The following GRIP2 variants were observed in gnomAD, a reference collection of about 807,000 sequenced individuals.
The protein encoded by GRIP2 is glutamate receptor-interacting protein 2.
Under a neutral mutation model 108.3 loss-of-function variants are expected in GRIP2, and 58 were observed. The observed-to-expected ratio is 0.54, with a 90% CI of 0.43 to 0.67. The LOEUF (loss-of-function observed/expected upper bound fraction) is 0.67. Ranked by LOEUF, GRIP2 falls within the 30% of genes least tolerant of loss-of-function variation. GRIP2 has a pLI of 0.00. For missense variants in GRIP2, 1,278 were observed against 1,430.6 expected, an observed-to-expected ratio of 0.89 and a Z score of 1.72; for synonymous variants, 586 against 598.2, an observed-to-expected ratio of 0.98 and a Z score of 0.30.
At chr3:14,599,404 G>A in the GRIP2 span, among the ~76,000 whole-genome samples, 3 of 152,124 alleles carry the variant, frequency 2.0e-5, no homozygotes, top group Non-Finnish European at 4.4e-5. Context: ...GGGTCGCAGC[G>A]CCTTCCTCCT....
the GRIP2 span, among the ~76,000 whole-genome samples, chr3:14,565,376 C>A: frequency 1.3e-5 from 2 of 152,190 alleles, no homozygotes; most frequent in African/African-American, 4.8e-5. Context: ...GGCTGCTGTT[C>A]CCACTTAGCA....
At chr3:14,554,474 G>A (rs962444473) in intron 1 of GRIP2, among the ~76,000 whole-genome samples, 1 of 152,112 alleles carries the variant, frequency 6.6e-6, no homozygotes, top group Non-Finnish European at 1.5e-5. Flanking sequence ...TCCTGCGGGG[G>A]TGGTCTCAGC....
exon 1 of GRIP2, chr3:14,556,008 G>A (rs1695232867): frequency 2.5e-6 from 1 of 398,606 alleles, no homozygotes; most frequent in Non-Finnish European, 4.4e-6. Context: ...AGCCTCCCAC[G>A]CCTGGAGCCG....
In GRIP2 at chr3:14,525,477, G is replaced by T. The variant is rs761788987; in HGVS notation, c.217C>A (p.Pro73Thr). Residue 73 changes from proline (P) to threonine (T), a missense_variant, in exon 3 of 24, where the codon CCC (proline) becomes ACC (threonine). Pro to Thr is a conservative substitution (Grantham distance 38). Transcript: ENST00000621039. The stretch of plus-strand genomic sequence containing the variant: ...CCAGGTCTCAGGTTGGAGACCCTGG[G>T]CTTTCCATCCTTGTCGGTGCCACCT... ...ISGGTDKDGK[P>T]RVSNLRPGGL... is the part of the protein sequence containing the mutation. The T allele has an allele frequency of 6.2e-7, 1 of 1,613,426 alleles. No homozygotes were observed. The highest frequency in any genetic ancestry group is 1.1e-5 in the South Asian group (1 of 91,060).
At chr3:14,519,370 C>T (rs139244150) in intron 9 of GRIP2, among the ~76,000 whole-genome samples, 1 of 152,352 alleles carries the variant, frequency 6.6e-6, no homozygotes, top group Non-Finnish European at 1.5e-5. Flanking sequence ...ATTTATAGGC[C>T]TGGGCTGTGC....
intron 1 of GRIP2, among the ~76,000 whole-genome samples, chr3:14,550,086 G>A (rs1273166263): frequency 6.6e-6 from 1 of 152,164 alleles, no homozygotes; most frequent in Non-Finnish European, 1.5e-5. Flanking sequence ...CCCTGGCAAC[G>A]ACCACATGTT....
At position 14,540,161 on chromosome 3, in the gene GRIP2, T is replaced by G; in HGVS notation, c.40+108A>C. 2 of 1,351,486 alleles carry G rather than the reference T, an allele frequency of 1.5e-6. No homozygotes were observed. Among genetic ancestry groups the G allele is most frequent in the South Asian group, 1.5e-5 (1 of 67,310 alleles). The allele number at this position is 1,351,486 out of a possible 1,614,324, so 83.7% of individuals were successfully genotyped here. On this transcript the variant is annotated intron_variant, in intron 1 of 23. Transcript: ENST00000621039. This position sits in a 1 kb window ranked among gnomAD's most constrained non-coding sequence, Gnocchi z 4.1. ...CCCCAAGCCCTGGGTCTCCAGGGAGTGGCAGTCCCAGGTCTCAGCCATCCA... is the reference window on the plus strand; with the variant it reads ...CCCCAAGCCCTGGGTCTCCAGGGAGGGGCAGTCCCAGGTCTCAGCCATCCA...
At chr3:14,581,565 G>A in the GRIP2 span, among the ~76,000 whole-genome samples, 2 of 152,362 alleles carry the variant, frequency 1.3e-5, no homozygotes, top group Non-Finnish European at 2.9e-5. Flanking sequence ...TCCAATGGGA[G>A]ACAGCCCCAG....
In GRIP2 at chr3:14,507,075, G is replaced by A; in HGVS notation, c.2219-95C>T. 1 of 1,216,026 alleles carries A rather than the reference G, an allele frequency of 8.2e-7. No homozygotes were observed. The highest frequency in any genetic ancestry group is 1.2e-6 in the Non-Finnish European group (1 of 867,830). The allele number at this position is 1,216,026 out of a possible 1,614,324, so 75.3% of individuals were successfully genotyped here. On this transcript the variant is annotated intron_variant, in intron 18 of 23. Transcript: ENST00000621039. The surrounding 1 kb of genome is among the most constrained non-coding windows in gnomAD (Gnocchi z 4.6). Reference sequence around the variant, plus strand: ...AGCCTGGTCTGGAAACTCACAGGCAGTAAGCCCTTCTGAGCTGACATATGA... The same window carrying A: ...AGCCTGGTCTGGAAACTCACAGGCAATAAGCCCTTCTGAGCTGACATATGA...
chr3:14,520,582 C>T (rs1244200034), intron 7 of GRIP2, 45 bp from the exon 8 acceptor site: 3 of 1,606,118 alleles, frequency 1.9e-6, no homozygotes, highest in Admixed American at 3.3e-5. Flanking sequence ...ATACCGAGCA[C>T]TTTCCTCCCC....
rs367990616 is a variant in GRIP2, at chr3:14,520,383, G to A, written c.860+7C>T. Reference sequence around the variant, plus strand: ...TCCATGGTGGCAGCACCCAGGGTGTGCCTTACCTGTCCACCACGCTGGCTG... The same window carrying A: ...TCCATGGTGGCAGCACCCAGGGTGTACCTTACCTGTCCACCACGCTGGCTG... On this transcript the variant is annotated splice_region_variant and intron_variant, in intron 8 of 23. Coordinates refer to ENST00000621039, the MANE Select transcript of GRIP2 (RefSeq NM_001080423.4). 20 of 1,610,770 alleles carry A rather than the reference G, an allele frequency of 1.2e-5. No homozygotes were observed. The African/African-American group carries it at 2.3e-4, about 18-fold the overall frequency.
the GRIP2 span, among the ~76,000 whole-genome samples, chr3:14,599,476 G>C: frequency 9.7e-4 from 148 of 152,140 alleles, no homozygotes; most frequent in African/African-American, 3.5e-3. Flanking sequence ...CTAAGCACTG[G>C]GCACCTTGAA....
chr3:14,493,787 C>T lies in GRIP2; in HGVS notation c.3010G>A (p.Ala1004Thr). The T allele has an allele frequency of 6.2e-7, 1 of 1,613,576 alleles. No individual in the cohort carries two copies. The highest frequency in any genetic ancestry group is 8.5e-7 in the Non-Finnish European group (1 of 1,179,686). Residue 1004 changes from alanine (A) to threonine (T), a missense_variant, in exon 24 of 24, where the codon GCG (alanine) becomes ACG (threonine). Coordinates refer to ENST00000621039, the MANE Select transcript of GRIP2 (RefSeq NM_001080423.4). The stretch of plus-strand genomic sequence containing the variant: ...CCCGCCTCGGCCAGGAGTGGCACCG[C>T]CAGGCAGCAGTCGAAGTCCCGTGTA... ...VRTRDFDCCL[A>T]VPLLAEAGDV...
chr3:14,573,190 G>A, the GRIP2 span: 45 of 1,418,852 alleles, frequency 3.2e-5, no homozygotes, highest in Middle Eastern at 1.9e-4. Context: ...TGCCAGGGCC[G>A]CTCCAGGATC....
the GRIP2 span, chr3:14,574,382 C>T: frequency 1.1e-6 from 1 of 881,234 alleles, no homozygotes; most frequent in Non-Finnish European, 1.8e-6. Context: ...CCGCGGTGCT[C>T]ACCATCTCCT....
the GRIP2 span, among the ~76,000 whole-genome samples, chr3:14,603,015 C>A: frequency 6.8e-6 from 1 of 146,418 alleles, no homozygotes; most frequent in Non-Finnish European, 1.5e-5. Context: ...GGCCCGGCCT[C>A]GCCAGCCCGG....
At chr3:14,543,484 G>C (rs1006602688), upstream of GRIP2, among the ~76,000 whole-genome samples, 5 of 152,260 alleles carry the variant, frequency 3.3e-5, no homozygotes, top group African/African-American at 1.2e-4. Context: ...TTTCCGTCTG[G>C]GAGGCGGCCT....
At chr3:14,571,713 A>C in the GRIP2 span, among the ~76,000 whole-genome samples, 1 of 152,182 alleles carries the variant, frequency 6.6e-6, no homozygotes, top group Admixed American at 6.5e-5. Context: ...CAGCTTGTTC[A>C]ATCTGCACAC....
At chr3:14,546,714 A>C (rs1008057582), upstream of GRIP2, among the ~76,000 whole-genome samples, 1 of 152,222 alleles carries the variant, frequency 6.6e-6, no homozygotes, top group Non-Finnish European at 1.5e-5. Context: ...GAGGTGTCCC[A>C]ACTAACTGTC....
Sources: allele counts gnomAD v4.1 joint callset (sites outside exome capture counted in the v4.1 genomes callset), GRCh38; gene constraint gnomAD v4.1.1; non-coding constraint Gnocchi (gnomAD v3.1); transcripts MANE v1.5; gene names NCBI Gene and HGNC (gene_info 2026-07-23, HGNC 2026-07-21).